The following SERPINB7 variants were observed in gnomAD, a reference collection of about 807,000 sequenced individuals.
SERPINB7 encodes the protein serpin family B member 7, also known as serpin B7.
Under a neutral mutation model 37.4 loss-of-function variants are expected in SERPINB7, and 31 were observed. That is an observed-to-expected ratio of 0.83 (90% confidence interval 0.62 to 1.12). SERPINB7 has a LOEUF of 1.12. Among genes scored for constraint, SERPINB7 ranks in the 50% most tolerant of loss-of-function variants. The pLI is 0.00. For missense variants in SERPINB7, 521 were observed against 455.3 expected, an observed-to-expected ratio of 1.14 and a Z score of -1.31; for synonymous variants, 163 against 166.1, an observed-to-expected ratio of 0.98 and a Z score of 0.14.
At position 63,798,519 on chromosome 18, in the gene SERPINB7, A is replaced by T. The variant is rs575876885; in HGVS notation, c.455-85A>T. 4.0e-5 allele frequency: 44 copies of T among 1,089,884 alleles called. No individual in the cohort carries two copies. In the South Asian group the frequency reaches 4.4e-4, roughly 11 times the overall value. 67.5% of individuals were successfully genotyped at this position (1,089,884 alleles called of 1,614,324 possible). A position where few individuals can be genotyped will look rare whatever the true frequency, so the allele number is the denominator to read the frequency against. On this transcript the variant is annotated intron_variant, in intron 5 of 7. Coordinates refer to ENST00000398019, the MANE Select transcript of SERPINB7 (RefSeq NM_003784.4). ...GGTGTTATTATGTGTTAAGAAAAAA[A>T]CTTCATACCAATTAATGGTCTTTTT...
intron 2 of SERPINB7, among the ~76,000 whole-genome samples, chr18:63,785,402 A>G (rs1449586257): frequency 6.6e-6 from 1 of 152,100 alleles, no homozygotes; most frequent in Non-Finnish European, 1.5e-5. Context: ...TATCTCTTTA[A>G]CCCAATCTTT....
At chr18:63,783,547 A>G (rs1371746316) in intron 2 of SERPINB7, among the ~76,000 whole-genome samples, 1 of 152,158 alleles carries the variant, frequency 6.6e-6, no homozygotes, top group Non-Finnish European at 1.5e-5. Flanking sequence ...TAGTCCTCAC[A>G]TTGTCATCAT....
chr18:63,786,976 T>G (rs2049380068), intron 2 of SERPINB7, among the ~76,000 whole-genome samples: 1 of 152,182 alleles, frequency 6.6e-6, no homozygotes, highest in South Asian at 2.1e-4. Context: ...ATTTGGGATT[T>G]TTTTAGATTT....
chr18:63,758,625 G>T (rs184004364), intron 1 of SERPINB7, among the ~76,000 whole-genome samples: 1 of 152,234 alleles, frequency 6.6e-6, no homozygotes. Flanking sequence ...AATAAGAAAA[G>T]AATTCTTTAG....
chr18:63,758,956 C>A (rs2049137345), intron 1 of SERPINB7, among the ~76,000 whole-genome samples: 1 of 152,120 alleles, frequency 6.6e-6, no homozygotes, highest in South Asian at 2.1e-4. Context: ...GATGTCAAGC[C>A]TTGAGTGGAA....
intron 2 of SERPINB7, among the ~76,000 whole-genome samples, chr18:63,789,248 A>C (rs1167603553): frequency 6.6e-6 from 1 of 152,134 alleles, no homozygotes; most frequent in African/African-American, 2.4e-5. Context: ...GAAGGATACA[A>C]AGGGACCACC....
Position 63,775,618 on chromosome 18 carries a change from C to T in SERPINB7, c.-117C>T, listed in dbSNP as rs1286516113. The T allele has an allele frequency of 1.3e-5, 2 of 152,134 alleles. No individual in the cohort carries two copies. The highest frequency in any genetic ancestry group is 6.5e-5 in the Admixed American group (1 of 15,274). The allele number at this position is 152,134 out of a possible 1,614,324, so 9.4% of individuals were successfully genotyped here. On this transcript the variant is annotated 5_prime_UTR_variant, in exon 1 of 8. Transcript: ENST00000398019. Reference sequence around the variant, plus strand: ...GGGAAAATACCTAGGGCTCAACAGTCTTGAGAAGTGTGGAAACATTTTCTT... The same window carrying T: ...GGGAAAATACCTAGGGCTCAACAGTTTTGAGAAGTGTGGAAACATTTTCTT...
At chr18:63,791,078 A>G (rs1359231439) in intron 2 of SERPINB7, among the ~76,000 whole-genome samples, 1 of 152,174 alleles carries the variant, frequency 6.6e-6, no homozygotes, top group Non-Finnish European at 1.5e-5. Context: ...CTTAAGTGGG[A>G]GTTGAACAAT....
chr18:63,754,391 C>T (rs1360580336), intron 1 of SERPINB7, among the ~76,000 whole-genome samples: 1 of 152,170 alleles, frequency 6.6e-6, no homozygotes, highest in African/African-American at 2.4e-5. Context: ...TCTTGGAGAA[C>T]TAATCAGATT....
intron 7 of SERPINB7, among the ~76,000 whole-genome samples, chr18:63,801,948 A>T (rs1291348280): frequency 2.0e-5 from 3 of 152,106 alleles, no homozygotes; most frequent in African/African-American, 2.4e-5. Context: ...AATCATAATC[A>T]TGTGGTCTTT....
chr18:63,799,801 G>T (rs751262027), intron 6 of SERPINB7, among the ~76,000 whole-genome samples: 42 of 152,260 alleles, frequency 2.8e-4, no homozygotes, highest in Admixed American at 1.3e-4. Context: ...AGGACCTTTG[G>T]TTCAAGGACA....
intron 2 of SERPINB7, among the ~76,000 whole-genome samples, 198 bp downstream of exon 2, chr18:63,782,738 A>C (rs2049313948): frequency 6.6e-6 from 1 of 152,228 alleles, no homozygotes; most frequent in Non-Finnish European, 1.5e-5. Context: ...AAGAGGCAGC[A>C]GAAATATTCC....
chr18:63,786,315 T>C (rs1282554530), intron 2 of SERPINB7, among the ~76,000 whole-genome samples: 1 of 150,100 alleles, frequency 6.7e-6, no homozygotes, highest in Non-Finnish European at 1.5e-5. Context: ...GTTTGGATTA[T>C]ATATGTATGA....
intron 2 of SERPINB7, among the ~76,000 whole-genome samples, chr18:63,786,697 T>A (rs973483618): frequency 6.6e-6 from 1 of 152,124 alleles, no homozygotes; most frequent in Non-Finnish European, 1.5e-5. Flanking sequence ...CTCATTGCCA[T>A]CATCTGAATT....
intron 1 of SERPINB7, among the ~76,000 whole-genome samples, chr18:63,776,289 C>T (rs953778408): frequency 1.3e-5 from 2 of 151,956 alleles, no homozygotes; most frequent in Admixed American, 1.3e-4. Flanking sequence ...ACCTCCCTCC[C>T]CATTCTTTCA....
At chr18:63,766,409 A>G (rs1169565372) in intron 1 of SERPINB7, among the ~76,000 whole-genome samples, 2 of 152,188 alleles carry the variant, frequency 1.3e-5, no homozygotes, top group South Asian at 2.1e-4. Context: ...AAAAGAAGAA[A>G]TCATGTTTTA....
At chr18:63,768,216 C>T (rs1437458320) in intron 1 of SERPINB7, among the ~76,000 whole-genome samples, 2 of 151,694 alleles carry the variant, frequency 1.3e-5, no homozygotes, top group Non-Finnish European at 2.9e-5. Context: ...TTGCTCTTGT[C>T]CTAGTTTCTT....
intron 1 of SERPINB7, among the ~76,000 whole-genome samples, chr18:63,760,532 G>T (rs1284416415): frequency 1.3e-5 from 2 of 152,210 alleles, no homozygotes; most frequent in Non-Finnish European, 2.9e-5. Context: ...TAATCCCCAA[G>T]ATCATAGGGA....
At chr18:63,758,303 C>G (rs948079549) in intron 1 of SERPINB7, among the ~76,000 whole-genome samples, 1 of 152,176 alleles carries the variant, frequency 6.6e-6, no homozygotes, top group Non-Finnish European at 1.5e-5. Context: ...ACATCAACAA[C>G]AGCAATGGAA....
Sources: allele counts gnomAD v4.1 joint callset (sites outside exome capture counted in the v4.1 genomes callset), GRCh38; gene constraint gnomAD v4.1.1; transcripts MANE v1.5; gene names NCBI Gene and HGNC (gene_info 2026-07-23, HGNC 2026-07-21).